The following UNC80 variants were observed in gnomAD, a reference collection of about 807,000 sequenced individuals.
The protein encoded by UNC80 is unc-80 subunit of NALCN channel complex.
A neutral mutation model predicts 384.6 loss-of-function variants in UNC80; 164 were observed. That is an observed-to-expected ratio of 0.43 (90% confidence interval 0.38 to 0.49). The LOEUF (loss-of-function observed/expected upper bound fraction) is 0.49. Ranked by LOEUF, UNC80 falls within the 20% of genes least tolerant of loss-of-function variation. UNC80 has a pLI of 0.00. For missense variants in UNC80, 3,330 were observed against 4,143.0 expected (o/e 0.80, Z 5.39); for synonymous variants, 1,486 against 1,527.8 (o/e 0.97, Z 0.64).
intron 21 of UNC80, among the ~76,000 whole-genome samples, chr2:209,844,451 TTTTCTTTC>T (rs368627996): frequency 0.015 from 890 of 58,190 alleles, 35 homozygotes; most frequent in Middle Eastern, 0.082. Context: ...TGCTCTTTTC[TTTTCTTTC>T]TTTCTTTCTT....
chr2:209,911,073 G>T (rs1310530901), intron 29 of UNC80, among the ~76,000 whole-genome samples: 2 of 152,098 alleles, frequency 1.3e-5, no homozygotes, highest in Admixed American at 6.6e-5. Context: ...AGGCTAGTAA[G>T]GCCTTGGGAA....
chr2:209,928,462 A>G (rs2090603853), intron 36 of UNC80, among the ~76,000 whole-genome samples: 1 of 151,988 alleles, frequency 6.6e-6, no homozygotes, highest in African/African-American at 2.4e-5. Context: ...TTCTCTTTGC[A>G]TTTTTTTGTA....
In UNC80 at chr2:209,970,876, C is replaced by A. The variant is rs992042817; in HGVS notation, c.8175C>A (p.Pro2725=). Residue 2725 remains proline (P), a synonymous_variant, in exon 54 of 65, where the codon CCC becomes CCA. Coordinates refer to ENST00000673920, the MANE Select transcript of UNC80 (RefSeq NM_001371986.1). ...CTTCCAGTGTTGCTGATGGATTACCCCTTCTTCATCTCAGCCCTTATCTCT... is the reference window on the plus strand; with the variant it reads ...CTTCCAGTGTTGCTGATGGATTACCACTTCTTCATCTCAGCCCTTATCTCT... ...VGPSSVADGL[P]LLHLSPYLSP... is the part of the protein sequence containing the mutation. 6.4e-6 allele frequency: 10 copies of A among 1,551,720 alleles called. No individual in the cohort carries two copies. Among genetic ancestry groups the A allele is most frequent in the South Asian group, 1.2e-5 (1 of 84,058 alleles).
At chr2:209,852,422 A>C (rs1391352422) in intron 22 of UNC80, among the ~76,000 whole-genome samples, 1 of 152,062 alleles carries the variant, frequency 6.6e-6, no homozygotes, top group African/African-American at 2.4e-5. Flanking sequence ...GTGTTGGTAG[A>C]GAATAATACT....
At chr2:209,874,221 T>A (rs1222506570) in intron 23 of UNC80, among the ~76,000 whole-genome samples, 1 of 152,182 alleles carries the variant, frequency 6.6e-6, no homozygotes, top group African/African-American at 2.4e-5. Context: ...TTTATACAAG[T>A]CAAGCAGTGT....
chr2:209,786,078 A>G lies in UNC80; in HGVS notation c.613A>G (p.Thr205Ala). 1 of 1,613,764 alleles carries G rather than the reference A, an allele frequency of 6.2e-7. No homozygotes were observed. The highest frequency in any genetic ancestry group is 8.5e-7 in the Non-Finnish European group (1 of 1,179,828). The change falls in exon 5 of 65, where the codon ACC (threonine) becomes GCC (alanine). Residue 205 changes from threonine (T) to alanine (A), a missense_variant. Transcript: ENST00000673920. ...TCCTCCCCCCTAGGAATCTGACCTCACCTTCCGTCTGGCCAGTGGGCTTGT... is the reference window on the plus strand; with the variant it reads ...TCCTCCCCCCTAGGAATCTGACCTCGCCTTCCGTCTGGCCAGTGGGCTTGT... ...LVHRIKESDLTFRLASGLVIW... is the reference protein window; with the variant it reads ...LVHRIKESDLAFRLASGLVIW...
chr2:209,929,467 A>T (rs2090684272), intron 36 of UNC80, among the ~76,000 whole-genome samples: 1 of 152,212 alleles, frequency 6.6e-6, no homozygotes, highest in South Asian at 2.1e-4. Context: ...ATTCATATGC[A>T]TTCTAAACCA....
At chr2:209,945,570 T>G (rs1051333522) in intron 46 of UNC80, among the ~76,000 whole-genome samples, 2 of 152,190 alleles carry the variant, frequency 1.3e-5, no homozygotes, top group Non-Finnish European at 2.9e-5. Context: ...GCCTCAACCT[T>G]AGGCAATTTA....
intron 18 of UNC80, among the ~76,000 whole-genome samples, chr2:209,838,341 A>C (rs1005376329): frequency 6.7e-6 from 1 of 148,416 alleles, no homozygotes; most frequent in Non-Finnish European, 1.5e-5. Flanking sequence ...TCAGCTGCCT[A>C]TGTTTTTTAA....
At chr2:209,901,770 C>T (rs2087434650) in intron 28 of UNC80, among the ~76,000 whole-genome samples, 1 of 151,942 alleles carries the variant, frequency 6.6e-6, no homozygotes, top group Non-Finnish European at 1.5e-5. Flanking sequence ...ACTAAAAATA[C>T]AAAATAAAAT....
chr2:209,789,173 C>G (rs2077640683), intron 5 of UNC80, among the ~76,000 whole-genome samples: 1 of 152,182 alleles, frequency 6.6e-6, no homozygotes, highest in South Asian at 2.1e-4. Context: ...ACACATTTCT[C>G]AGAACGTATC....
intron 51 of UNC80, among the ~76,000 whole-genome samples, chr2:209,963,156 AC>A (rs1170229362): frequency 4.6e-5 from 7 of 152,190 alleles, no homozygotes; most frequent in Non-Finnish European, 8.8e-5. Flanking sequence ...CATTTGTCCA[AC>A]CCAGTGCTGC....
chr2:209,835,020 G>C lies in UNC80; in HGVS notation c.3041+10G>C. On this transcript the variant is annotated intron_variant, in intron 18 of 64. Transcript: ENST00000673920. ...CACAGACTCCAGAGCAGTAAGTAGCGTTGGTTTTGTCTCCAGTGCAGACGG... is the reference window on the plus strand; with the variant it reads ...CACAGACTCCAGAGCAGTAAGTAGCCTTGGTTTTGTCTCCAGTGCAGACGG... 1 of 1,546,964 alleles carries C rather than the reference G, an allele frequency of 6.5e-7. No individual in the cohort carries two copies. The highest frequency in any genetic ancestry group is 1.2e-5 in the South Asian group (1 of 83,956).
Position 209,917,771 on chromosome 2 carries a change from CT to C in UNC80, c.5030-5del, listed in dbSNP as rs560716846. ...GCATAGCTGATGAATTGTTGACTGT[CT>C]CTAGCTGCCATGTTCCTGCTGTGTG... On this transcript the variant is annotated splice_polypyrimidine_tract_variant and splice_region_variant and intron_variant, in intron 31 of 64. Transcript: ENST00000673920. The C allele has an allele frequency of 3.1e-4, 487 of 1,551,846 alleles. 7 individuals are homozygous for C. The East Asian group carries it at 0.01, about 33-fold the overall frequency.
At chr2:209,974,855 G>A (rs909924558) in intron 56 of UNC80, among the ~76,000 whole-genome samples, 11 of 152,252 alleles carry the variant, frequency 7.2e-5, no homozygotes, top group Non-Finnish European at 1.3e-4. Context: ...GAAAGCCAAA[G>A]TCAGCCAACA....
chr2:209,899,988 C>T (rs1332853559), intron 28 of UNC80, among the ~76,000 whole-genome samples: 2 of 152,210 alleles, frequency 1.3e-5, no homozygotes, highest in African/African-American at 4.8e-5. Context: ...GCCTAAGGCT[C>T]TGCCTAGCTT....
intron 45 of UNC80, 130 bp from the exon 46 acceptor site, chr2:209,944,921 T>C: frequency 1.8e-6 from 2 of 1,083,920 alleles, no homozygotes; most frequent in South Asian, 1.7e-5. Flanking sequence ...GATCCAGAAT[T>C]ATGTAAGCTG....
chr2:209,773,678 A>G (rs1225851049), intron 2 of UNC80, among the ~76,000 whole-genome samples: 1 of 152,182 alleles, frequency 6.6e-6, no homozygotes, highest in Non-Finnish European at 1.5e-5. Context: ...TGTTTTTGCC[A>G]CCTGCAAGTG....
At chr2:209,947,673 A>G (rs968896875) in intron 47 of UNC80, among the ~76,000 whole-genome samples, 1 of 152,186 alleles carries the variant, frequency 6.6e-6, no homozygotes, top group African/African-American at 2.4e-5. Context: ...TAAGTAACAT[A>G]CCTATAGGAC....
Sources: gnomAD v4.1 joint callset for allele counts (sites outside exome capture counted in the v4.1 genomes callset) on GRCh38, gnomAD v4.1.1 for gene constraint, MANE v1.5 for transcripts, NCBI Gene and HGNC (gene_info 2026-07-23, HGNC 2026-07-21) for gene names.